Variants in CHRM5 observed in about 807,000 individuals in gnomAD.
The protein encoded by CHRM5 is cholinergic receptor muscarinic 5, also known as muscarinic acetylcholine receptor M5.
Under a neutral mutation model 39.0 loss-of-function variants are expected in CHRM5, and 18 were observed. The observed-to-expected ratio is 0.46, with a 90% CI of 0.32 to 0.68. The LOEUF is 0.68. CHRM5 is among the 30% of genes least tolerant of loss of function. The pLI is 0.04. For synonymous variants in CHRM5, 241 were observed against 246.3 expected, an observed-to-expected ratio of 0.98 and a Z score of 0.20; for missense variants, 515 against 651.1, an observed-to-expected ratio of 0.79 and a Z score of 2.28.
chr15:33,981,443 C>G (rs141166094), intron 1 of CHRM5, among the ~76,000 whole-genome samples: 1 of 140,626 alleles, frequency 7.1e-6, no homozygotes, highest in Non-Finnish European at 1.6e-5. Flanking sequence ...CTAAACATAA[C>G]CAAGTTTTTT....
Position 33,970,117 on chromosome 15 carries a change from T to A in CHRM5, c.-408+967T>A, listed in dbSNP as rs1597288782. On this transcript the variant is annotated intron_variant, in intron 1 of 2. Coordinates refer to ENST00000383263, the MANE Select transcript of CHRM5 (RefSeq NM_012125.4). Reference sequence around the variant, plus strand: ...GAGGAGACAGGGAAACAAGAGCATATCACACCTAACTACGGAGATCTTGTG... The same window carrying A: ...GAGGAGACAGGGAAACAAGAGCATAACACACCTAACTACGGAGATCTTGTG... Among the ~76,000 whole-genome samples the A allele has an allele frequency of 3.9e-5, 6 of 152,072 alleles. No homozygotes were observed. In the South Asian group the frequency reaches 1.2e-3, roughly 31 times the overall value.
At position 33,968,518 on chromosome 15, in the gene CHRM5, C is replaced by T. The variant is rs908324817; in HGVS notation, c.-1040C>T. ...CTTCATTCATGCCAAGTACGCTCAC[C>T]GTCCAGAGACATGATAAAGCCGTAC... On this transcript the variant is annotated 5_prime_UTR_variant, in exon 1 of 3. Coordinates refer to ENST00000383263, the MANE Select transcript of CHRM5 (RefSeq NM_012125.4). Among the ~76,000 whole-genome samples, 2 of 152,068 alleles carry T rather than the reference C, an allele frequency of 1.3e-5. No homozygotes were observed. Among genetic ancestry groups the T allele is most frequent in the Non-Finnish European group, 1.5e-5 (1 of 67,960 alleles).
intron 1 of CHRM5, among the ~76,000 whole-genome samples, chr15:34,023,949 T>A (rs1402815249): frequency 6.6e-6 from 1 of 152,004 alleles, no homozygotes; most frequent in African/African-American, 2.4e-5. Flanking sequence ...GCCCAGAGAG[T>A]GGATTTGATT....
intron 1 of CHRM5, among the ~76,000 whole-genome samples, chr15:33,985,664 T>G (rs1468265949): frequency 6.6e-6 from 1 of 152,000 alleles, no homozygotes; most frequent in African/African-American, 2.4e-5. Flanking sequence ...TTCTGTACCC[T>G]CAGCACCTGA....
chr15:33,986,831 G>A (rs936063732), intron 1 of CHRM5, among the ~76,000 whole-genome samples: 2 of 151,930 alleles, frequency 1.3e-5, no homozygotes, highest in South Asian at 2.1e-4. Flanking sequence ...TAATTGTTTT[G>A]TATTTTTAGT....
chr15:33,979,208 T>C (rs1426138948), intron 1 of CHRM5, among the ~76,000 whole-genome samples: 4 of 152,136 alleles, frequency 2.6e-5, no homozygotes, highest in African/African-American at 9.7e-5. Context: ...TTTAAATGGG[T>C]ATCTAGGCTA....
intron 1 of CHRM5, among the ~76,000 whole-genome samples, chr15:33,975,996 A>T: frequency 6.6e-6 from 1 of 152,186 alleles, no homozygotes; most frequent in East Asian, 1.9e-4. Context: ...TTCACCTAAC[A>T]ACATTATACC....
intron 1 of CHRM5, among the ~76,000 whole-genome samples, chr15:34,005,246 C>T (rs549075247): frequency 3.9e-5 from 6 of 152,134 alleles, no homozygotes; most frequent in African/African-American, 9.6e-5. Context: ...TCCAAATTTC[C>T]GTAACCCAAA....
chr15:34,007,216 A>G (rs566373922), intron 1 of CHRM5: 1 of 251,540 alleles, frequency 4.0e-6, no homozygotes, highest in Non-Finnish European at 6.3e-6. Flanking sequence ...TAGAAAGAGT[A>G]GCTTAATGTT....
chr15:34,008,852 T>C (rs139976165), intron 1 of CHRM5, among the ~76,000 whole-genome samples: 167 of 152,042 alleles, frequency 1.1e-3, no homozygotes, highest in Non-Finnish European at 2.0e-3. Context: ...AAGAGATTCA[T>C]AGATACATAA....
rs186635765 is a variant in CHRM5 at position 33,994,029 on chromosome 15, C to T, written c.-408+24879C>T. Among the ~76,000 whole-genome samples the T allele has an allele frequency of 1.2e-3, 184 of 152,284 alleles. 3 individuals are homozygous for T. The highest frequency in any genetic ancestry group is 0.011 in the Admixed American group (171 of 15,294). ...GAACATACAGCTGTGAACATTTGGG[C>T]ACACACGTGCTGGAGTTTCTCTAGA... is the stretch of plus-strand genomic sequence containing the variant. On this transcript the variant is annotated intron_variant, in intron 1 of 2. Transcript: ENST00000383263.
chr15:34,048,275 G>A (rs1235725957), intron 2 of CHRM5, among the ~76,000 whole-genome samples: 2 of 152,232 alleles, frequency 1.3e-5, no homozygotes, highest in Non-Finnish European at 2.9e-5. Context: ...TATGGATAGA[G>A]CTCTGATCTT....
chr15:34,058,555 A>AC (rs4041434), intron 2 of CHRM5, among the ~76,000 whole-genome samples: 1 of 143,180 alleles, frequency 7.0e-6, no homozygotes. Flanking sequence ...CTTTAATTCT[A>AC]ACACACACAC....
At chr15:34,001,337 A>T (rs574876227) in intron 1 of CHRM5, among the ~76,000 whole-genome samples, 26 of 152,254 alleles carry the variant, frequency 1.7e-4, no homozygotes, top group African/African-American at 5.5e-4. Flanking sequence ...TAGAATTTTT[A>T]ACTGCCTTCC....
chr15:34,063,510 G>C lies in CHRM5; in HGVS notation c.793G>C (p.Glu265Gln). 1 of 1,613,768 alleles carries C rather than the reference G, an allele frequency of 6.2e-7. No individual in the cohort carries two copies. The highest frequency in any genetic ancestry group is 8.5e-7 in the Non-Finnish European group (1 of 1,180,040). ...RCPRPTLAQR[E>Q]RNQASWSSSR... ...TCCTCGACCCACCCTGGCCCAGCGG[G>C]AAAGGAACCAGGCCTCCTGGTCATC... is the stretch of plus-strand genomic sequence containing the variant. The change falls in exon 3 of 3, where the codon GAA becomes CAA. Residue 265 changes from glutamate to glutamine, a missense_variant. Coordinates refer to ENST00000383263, the MANE Select transcript of CHRM5 (RefSeq NM_012125.4). This position sits in a 1 kb window ranked among gnomAD's most constrained non-coding sequence, Gnocchi z 4.1.
intron 1 of CHRM5, among the ~76,000 whole-genome samples, chr15:33,994,322 G>T (rs1896849720): frequency 6.6e-6 from 1 of 152,192 alleles, no homozygotes; most frequent in Admixed American, 6.5e-5. Context: ...AAGGCCTGAT[G>T]ATCTGTCAGT....
At chr15:34,006,617 T>C (rs1294946409) in intron 1 of CHRM5, among the ~76,000 whole-genome samples, 1 of 152,190 alleles carries the variant, frequency 6.6e-6, no homozygotes, top group Non-Finnish European at 1.5e-5. Context: ...GTGGGAGACC[T>C]AAACCGAATT....
At chr15:34,016,576 T>C (rs1281850483) in intron 1 of CHRM5, among the ~76,000 whole-genome samples, 4 of 152,152 alleles carry the variant, frequency 2.6e-5, no homozygotes, top group Non-Finnish European at 5.9e-5. Flanking sequence ...ACCTGAATCT[T>C]TAAAAAATAT....
chr15:34,006,356 A>C (rs1897343522), intron 1 of CHRM5, among the ~76,000 whole-genome samples: 1 of 151,898 alleles, frequency 6.6e-6, no homozygotes. Flanking sequence ...TTTGCGGGAC[A>C]GAACTAGAGC....
Sources: gnomAD v4.1 joint callset for allele counts (sites outside exome capture counted in the v4.1 genomes callset) on GRCh38, gnomAD v4.1.1 for gene constraint, Gnocchi (gnomAD v3.1) non-coding constraint, MANE v1.5 for transcripts, NCBI Gene and HGNC (gene_info 2026-07-23, HGNC 2026-07-21) for gene names.